The following PDLIM5 variants were observed in gnomAD, a reference collection of about 807,000 sequenced individuals.
The protein encoded by PDLIM5 is PDZ and LIM domain 5, also known as PDZ and LIM domain protein 5.
Under a neutral mutation model 64.2 loss-of-function variants are expected in PDLIM5, and 34 were observed. The observed-to-expected ratio is 0.53, with a 90% confidence interval of 0.40 to 0.71. The LOEUF (loss-of-function observed/expected upper bound fraction) is 0.71. Ranked by LOEUF, PDLIM5 falls within the 30% of genes least tolerant of loss-of-function variation. The probability of loss-of-function intolerance (pLI) is 0.00; values close to 1 mark genes in which losing one functional copy is unlikely to be tolerated. For missense variants in PDLIM5, 683 were observed against 733.6 expected (o/e 0.93, Z 0.80); for synonymous variants, 253 against 269.1 (o/e 0.94, Z 0.59).
intron 6 of PDLIM5, 54 bp from the exon 7 acceptor site, chr4:94,586,354 A>AT: frequency 1.0e-6 from 1 of 973,080 alleles, no homozygotes; most frequent in Non-Finnish European, 1.6e-6. Flanking sequence ...TGCTTAAGTG[A>AT]TTTTGAAGTT....
At chr4:94,660,883 G>C (rs1161842900) in intron 11 of PDLIM5, among the ~76,000 whole-genome samples, 1 of 151,200 alleles carries the variant, frequency 6.6e-6, no homozygotes, top group Non-Finnish European at 1.5e-5. Flanking sequence ...AACCAGCCTG[G>C]GCAAGATGGG....
intron 2 of PDLIM5, among the ~76,000 whole-genome samples, chr4:94,516,732 A>G (rs1173543569): frequency 1.3e-5 from 2 of 152,048 alleles, no homozygotes; most frequent in Admixed American, 1.3e-4. Context: ...GGGTCTCACT[A>G]TGCTGCCCAG....
intron 2 of PDLIM5, among the ~76,000 whole-genome samples, chr4:94,465,162 C>T (rs577407137): frequency 1.3e-5 from 2 of 152,284 alleles, no homozygotes; most frequent in South Asian, 2.1e-4. Flanking sequence ...CTTATCATCC[C>T]TAAAGCCCTA....
chr4:94,654,535 G>A lies in PDLIM5; in HGVS notation c.1359G>A (p.Met453Ile). The A allele has an allele frequency of 6.2e-7, 1 of 1,610,886 alleles. No individual in the cohort carries two copies. The highest frequency in any genetic ancestry group is 8.5e-7 in the Non-Finnish European group (1 of 1,177,132). ...EFNCAHCKNTMAYIGFVEEKG... is the reference protein window; with the variant it reads ...EFNCAHCKNTIAYIGFVEEKG... ...ACTGCGCTCACTGCAAAAATACAAT[G>A]GCCTACATTGGATTTGTAGAGGAGA... Residue 453 changes from methionine to isoleucine, a missense_variant, in exon 10 of 13, where the codon ATG becomes ATA. Transcript: ENST00000317968.
intron 2 of PDLIM5, chr4:94,455,745 A>C (rs1723283250): frequency 2.7e-6 from 4 of 1,494,210 alleles, no homozygotes. Flanking sequence ...AATCTCTTTC[A>C]GTTCCAAAAG....
intron 3 of PDLIM5, among the ~76,000 whole-genome samples, chr4:94,545,781 T>C (rs1301856107): frequency 6.6e-6 from 1 of 152,226 alleles, no homozygotes; most frequent in Non-Finnish European, 1.5e-5. Context: ...CATTTCACAC[T>C]TGTGTAAGCC....
chr4:94,568,385 A>G (rs1252311334), intron 3 of PDLIM5, among the ~76,000 whole-genome samples: 1 of 149,790 alleles, frequency 6.7e-6, no homozygotes, highest in Non-Finnish European at 1.5e-5. Flanking sequence ...TGGGACATAT[A>G]GAATAGATTG....
At chr4:94,638,004 C>T (rs1740704420) in intron 8 of PDLIM5, among the ~76,000 whole-genome samples, 1 of 152,138 alleles carries the variant, frequency 6.6e-6, no homozygotes, top group Non-Finnish European at 1.5e-5. Flanking sequence ...CCCTTGGGGA[C>T]ACAGGAGGCC....
intron 5 of PDLIM5, among the ~76,000 whole-genome samples, chr4:94,581,525 A>G (rs1270930528): frequency 6.6e-6 from 1 of 152,140 alleles, no homozygotes; most frequent in African/African-American, 2.4e-5. Flanking sequence ...GAGTAAATAC[A>G]AGCAAACTAT....
At chr4:94,577,095 C>A in intron 5 of PDLIM5, 1 of 426,140 alleles carries the variant, frequency 2.3e-6, no homozygotes, top group Non-Finnish European at 4.6e-6. Flanking sequence ...AGGGATGATA[C>A]TTTAAGGCAG....
At chr4:94,484,138 A>G (rs1726109104) in intron 2 of PDLIM5, among the ~76,000 whole-genome samples, 1 of 152,214 alleles carries the variant, frequency 6.6e-6, no homozygotes, top group Non-Finnish European at 1.5e-5. Flanking sequence ...CAGCCAACTC[A>G]GCATTTTTAT....
chr4:94,575,512 A>G (rs1210816501), intron 4 of PDLIM5, 104 bp from the exon 5 acceptor site: 1 of 779,582 alleles, frequency 1.3e-6, no homozygotes, highest in Non-Finnish European at 2.1e-6. Flanking sequence ...TGCTAACCTG[A>G]TTGTGTTTGT....
chr4:94,525,877 TA>T (rs1409657090), intron 3 of PDLIM5, among the ~76,000 whole-genome samples: 38 of 152,300 alleles, frequency 2.5e-4, no homozygotes, highest in Non-Finnish European at 2.5e-4. Flanking sequence ...TAATTGGTTA[TA>T]AAAAAATTTG....
chr4:94,610,480 G>T (rs894544910), intron 7 of PDLIM5, among the ~76,000 whole-genome samples: 13 of 152,038 alleles, frequency 8.6e-5, no homozygotes, highest in Admixed American at 2.0e-4. Context: ...TTTGTTACTG[G>T]TTTTTTCTTA....
intron 2 of PDLIM5, among the ~76,000 whole-genome samples, chr4:94,519,201 A>C (rs1729622274): frequency 6.6e-6 from 1 of 152,214 alleles, no homozygotes; most frequent in South Asian, 2.1e-4. Flanking sequence ...AAAAGCCAGA[A>C]GGAGGTCTGA....
intron 2 of PDLIM5, among the ~76,000 whole-genome samples, chr4:94,461,131 A>T (rs1228644482): frequency 6.6e-6 from 1 of 152,220 alleles, no homozygotes; most frequent in Non-Finnish European, 1.5e-5. Flanking sequence ...TGATTTAGTT[A>T]TTTCTAGAAG....
At chr4:94,513,087 T>C (rs1729040462) in intron 2 of PDLIM5, among the ~76,000 whole-genome samples, 1 of 152,228 alleles carries the variant, frequency 6.6e-6, no homozygotes, top group Non-Finnish European at 1.5e-5. Flanking sequence ...TGTTCATTGG[T>C]TTATATTTCT....
At chr4:94,624,483 A>G (rs1739508693) in intron 8 of PDLIM5, among the ~76,000 whole-genome samples, 1 of 152,204 alleles carries the variant, frequency 6.6e-6, no homozygotes, top group Admixed American at 6.5e-5. Context: ...AGAAGAGTCA[A>G]ATCAAACTAT....
intron 2 of PDLIM5, among the ~76,000 whole-genome samples, chr4:94,486,441 G>T (rs1411451359): frequency 6.6e-6 from 1 of 152,166 alleles, no homozygotes; most frequent in African/African-American, 2.4e-5. Context: ...AGAAAGTTTT[G>T]TGTGACAAAC....
Sources: gnomAD v4.1 joint callset for allele counts (sites outside exome capture counted in the v4.1 genomes callset) on GRCh38, gnomAD v4.1.1 for gene constraint, MANE v1.5 for transcripts, NCBI Gene and HGNC (gene_info 2026-07-23, HGNC 2026-07-21) for gene names.